Variants in SYT9 observed in about 807,000 individuals in gnomAD.
SYT9 encodes synaptotagmin 9, also known as synaptotagmin-9.
SYT9 carries 22 observed loss-of-function variants against 48.4 expected under a neutral mutation model. The observed-to-expected ratio is 0.45, with a 90% CI of 0.32 to 0.65. SYT9 has a LOEUF of 0.65. SYT9 is among the 30% of genes least tolerant of loss of function. The pLI, the probability that SYT9 is intolerant of heterozygous loss-of-function variation, is 0.03. For synonymous variants in SYT9, 265 were observed against 245.0 expected (o/e 1.08, Z -0.76); for missense variants, 577 against 622.0 (o/e 0.93, Z 0.77).
chr11:7,445,009 A>T (rs1413513039), intron 6 of SYT9, among the ~76,000 whole-genome samples: 2 of 152,162 alleles, frequency 1.3e-5, no homozygotes, highest in Admixed American at 1.3e-4. Context: ...ATTTAAAAGC[A>T]TGAGTGCTGG....
intron 3 of SYT9, among the ~76,000 whole-genome samples, chr11:7,341,107 G>T (rs1010455281): frequency 1.6e-4 from 24 of 152,156 alleles, no homozygotes; most frequent in African/African-American, 5.3e-4. Context: ...GACCTTGGCT[G>T]GGAGATTCTA....
At chr11:7,333,740 T>C (rs1182289928) in intron 3 of SYT9, among the ~76,000 whole-genome samples, 1 of 152,142 alleles carries the variant, frequency 6.6e-6, no homozygotes, top group Non-Finnish European at 1.5e-5. Context: ...AGTCAGGAAG[T>C]GAGTTCTGGG....
At chr11:7,355,959 A>T (rs1162702953) in intron 3 of SYT9, among the ~76,000 whole-genome samples, 2 of 152,208 alleles carry the variant, frequency 1.3e-5, no homozygotes, top group Non-Finnish European at 2.9e-5. Flanking sequence ...GCCTTGCACA[A>T]AGTTGGAGCT....
In SYT9 at chr11:7,289,205, T is replaced by C. The variant is rs368732243; in HGVS notation, c.146-13834T>C. ...TGCCTGAGCGCTCTGGCTCCTGTTCTTCCATATGTACCTTTGCAAGGCAAA... is the reference window on the plus strand; with the variant it reads ...TGCCTGAGCGCTCTGGCTCCTGTTCCTCCATATGTACCTTTGCAAGGCAAA... On this transcript the variant is annotated intron_variant, in intron 1 of 6. Transcript: ENST00000318881. 7.2e-5 allele frequency among the ~76,000 whole-genome samples: 11 copies of C among 152,358 alleles called. No individual in the cohort carries two copies. The East Asian group carries it at 1.2e-3, about 16-fold the overall frequency.
At chr11:7,369,131 C>G (rs916383973) in intron 3 of SYT9, among the ~76,000 whole-genome samples, 1 of 152,234 alleles carries the variant, frequency 6.6e-6, no homozygotes, top group Non-Finnish European at 1.5e-5. Flanking sequence ...TCTCCACATC[C>G]TCTCCAGCAT....
chr11:7,323,414 G>C lies in SYT9; in HGVS notation c.1044+9473G>C, dbSNP rs145230729. Among the ~76,000 whole-genome samples, 876 of 151,972 alleles carry C rather than the reference G, an allele frequency of 5.8e-3. 4 individuals carry two copies. The highest frequency in any genetic ancestry group is 0.019 in the African/African-American group (790 of 41,516). On this transcript the variant is annotated intron_variant, in intron 3 of 6. Coordinates refer to ENST00000318881, the MANE Select transcript of SYT9 (RefSeq NM_175733.4). ...ACTATGCATGAATAAGGACAATTTT[G>C]TTTCTTCTTTCTTTTTTAATTATTT... is the stretch of plus-strand genomic sequence containing the variant.
intron 1 of SYT9, among the ~76,000 whole-genome samples, chr11:7,275,950 T>A (rs549964555): frequency 1.3e-5 from 2 of 152,314 alleles, no homozygotes; most frequent in East Asian, 1.9e-4. Context: ...TAATATTTGT[T>A]ACTTGTTTAT....
At chr11:7,331,784 G>T (rs1246631502) in intron 3 of SYT9, among the ~76,000 whole-genome samples, 1 of 152,072 alleles carries the variant, frequency 6.6e-6, no homozygotes, top group East Asian at 1.9e-4. Context: ...TATGCACCCG[G>T]AATAGATGAG....
At chr11:7,271,752 AT>A (rs1848300730) in intron 1 of SYT9, among the ~76,000 whole-genome samples, 1 of 151,864 alleles carries the variant, frequency 6.6e-6, no homozygotes, top group Non-Finnish European at 1.5e-5. Flanking sequence ...AATTTTTTGT[AT>A]TTTTAGTAGA....
At chr11:7,466,720 C>CAG in intron 6 of SYT9, 72 bp from the exon 7 acceptor site, 14 of 1,259,020 alleles carry the variant, frequency 1.1e-5, no homozygotes, top group Non-Finnish European at 1.5e-5. Flanking sequence ...GACTCTGTCT[C>CAG]AAAAAAAAAA....
intron 6 of SYT9, among the ~76,000 whole-genome samples, chr11:7,458,162 G>A (rs1374675100): frequency 6.6e-6 from 1 of 152,184 alleles, no homozygotes; most frequent in Non-Finnish European, 1.5e-5. Context: ...GATGTATTAT[G>A]TTATAGTGAA....
At chr11:7,353,765 G>A (rs1039367269) in intron 3 of SYT9, among the ~76,000 whole-genome samples, 3 of 152,098 alleles carry the variant, frequency 2.0e-5, no homozygotes, top group African/African-American at 7.2e-5. Context: ...GAATGGGTCC[G>A]GACTGATTCA....
chr11:7,415,852 G>A lies in SYT9; in HGVS notation c.1045-190G>A, dbSNP rs114561506. On this transcript the variant is annotated intron_variant, in intron 3 of 6. Transcript: ENST00000318881. ...CCAAAGATAGGCTGTGCCTCCTCAG[G>A]GTGAGGTGCTCCCAAAGTGCAGGGA... 7.4e-3 allele frequency among the ~76,000 whole-genome samples: 1,123 copies of A among 152,226 alleles called. 9 individuals carry two copies. The highest frequency in any genetic ancestry group is 0.027 in the Middle Eastern group (8 of 294).
chr11:7,458,888 A>G (rs761469482), intron 6 of SYT9, among the ~76,000 whole-genome samples: 4 of 152,260 alleles, frequency 2.6e-5, no homozygotes, highest in Non-Finnish European at 4.4e-5. Flanking sequence ...GAGATGTGAC[A>G]TGATCCAAAG....
intron 6 of SYT9, among the ~76,000 whole-genome samples, chr11:7,436,703 A>G (rs1376717917): frequency 6.6e-6 from 1 of 152,250 alleles, no homozygotes; most frequent in African/African-American, 2.4e-5. Context: ...TAAAACAGAT[A>G]AATGCAAGAG....
intron 1 of SYT9, among the ~76,000 whole-genome samples, chr11:7,298,132 T>G (rs1209007078): frequency 6.6e-6 from 1 of 152,174 alleles, no homozygotes; most frequent in African/African-American, 2.4e-5. Flanking sequence ...TTCTGGAAAA[T>G]TTAAATATTA....
intron 3 of SYT9, among the ~76,000 whole-genome samples, chr11:7,393,999 T>A (rs759899949): frequency 6.6e-6 from 1 of 151,720 alleles, no homozygotes; most frequent in Non-Finnish European, 1.5e-5. Flanking sequence ...TTAGGGTACA[T>A]GTGCACAACG....
intron 3 of SYT9, among the ~76,000 whole-genome samples, chr11:7,329,394 A>G (rs1367937872): frequency 6.6e-6 from 1 of 152,138 alleles, no homozygotes; most frequent in African/African-American, 2.4e-5. Context: ...GTTCATTTGT[A>G]TAATTATTTG....
At chr11:7,241,602 CGATT>C (rs1847741198) in intron 1 of SYT9, among the ~76,000 whole-genome samples, 1 of 152,048 alleles carries the variant, frequency 6.6e-6, no homozygotes, top group Non-Finnish European at 1.5e-5. Flanking sequence ...GTGGAATTGC[CGATT>C]GATTAATTAG....
Sources: allele counts gnomAD v4.1 joint callset (sites outside exome capture counted in the v4.1 genomes callset), GRCh38; gene constraint gnomAD v4.1.1; transcripts MANE v1.5; gene names NCBI Gene and HGNC (gene_info 2026-07-23, HGNC 2026-07-21).